The following MGAT5 variants were observed in gnomAD, a reference collection of about 807,000 sequenced individuals.
MGAT5 encodes the protein alpha-1,6-mannosylglycoprotein 6-beta-N-acetylglucosaminyltransferase A.
Under a neutral mutation model 94.3 loss-of-function variants are expected in MGAT5, and 30 were observed. The ratio of observed to expected loss-of-function variants is 0.32; its 90% confidence interval spans 0.24 to 0.43. The LOEUF (loss-of-function observed/expected upper bound fraction) is 0.43. MGAT5 is among the 20% of genes least tolerant of loss of function. MGAT5 has a pLI of 1.00. For missense variants in MGAT5, 691 were observed against 905.5 expected, an observed-to-expected ratio of 0.76 and a Z score of 3.04; for synonymous variants, 310 against 322.9, an observed-to-expected ratio of 0.96 and a Z score of 0.43.
chr2:134,163,596 G>A (rs527501200), intron 1 of MGAT5, among the ~76,000 whole-genome samples: 1 of 152,346 alleles, frequency 6.6e-6, no homozygotes, highest in Non-Finnish European at 1.5e-5. Flanking sequence ...GCTCAGAGGA[G>A]AGAGGTACAT....
In MGAT5 at chr2:134,130,554, C is replaced by T. The variant is rs112626182; in HGVS notation, c.-143+10263C>T. Among the ~76,000 whole-genome samples the T allele has an allele frequency of 1.4e-4, 21 of 150,938 alleles. 1 individual carries two copies. In the South Asian group the frequency reaches 3.4e-3, roughly 24 times the overall value. Reference sequence around the variant, plus strand: ...CCAATCAGCACTCTGTGTCTGGCTCCGGGGTTTGTGGATGCACCAATCAGC... The same window carrying T: ...CCAATCAGCACTCTGTGTCTGGCTCTGGGGTTTGTGGATGCACCAATCAGC... On this transcript the variant is annotated intron_variant, in intron 1 of 16. Coordinates refer to the MGAT5 transcript ENST00000409645.
intron 1 of MGAT5, among the ~76,000 whole-genome samples, chr2:134,173,679 C>T (rs971242900): frequency 6.6e-6 from 1 of 152,202 alleles, no homozygotes; most frequent in Non-Finnish European, 1.5e-5. Context: ...TCAGGAATAA[C>T]TACCGAAAGA....
intron 10 of MGAT5, among the ~76,000 whole-genome samples, chr2:134,380,477 G>T (rs763473693): frequency 6.6e-6 from 1 of 152,124 alleles, no homozygotes; most frequent in Non-Finnish European, 1.5e-5. Context: ...TAAGAAAAAG[G>T]GACATGGATT....
intron 10 of MGAT5, among the ~76,000 whole-genome samples, chr2:134,401,680 C>T (rs901083160): frequency 7.2e-5 from 11 of 152,180 alleles, no homozygotes; most frequent in African/African-American, 1.2e-4. Flanking sequence ...CAGCATCTTG[C>T]GGCCATACCA....
intron 1 of MGAT5, among the ~76,000 whole-genome samples, chr2:134,244,513 G>A (rs1682133925): frequency 6.6e-6 from 1 of 152,186 alleles, no homozygotes; most frequent in Admixed American, 6.5e-5. Context: ...GAGAAAATGA[G>A]ACTCATTTAT....
rs374914892 is a variant in MGAT5, at chr2:134,237,148, T to TGTGTGTGTGTGTGC, written c.-142-17113_-142-17112insTGTGTGTGTGTGCG. On this transcript the variant is annotated intron_variant, in intron 1 of 16. Coordinates refer to the MGAT5 transcript ENST00000409645. ...ATGTGTGTGTGTGTGTGTGTGTGTGTGCGCGTGTGTGTGAATTTTTACCCT... is the reference window on the plus strand; with the variant it reads ...ATGTGTGTGTGTGTGTGTGTGTGTGTGTGTGTGTGTGTGCGCGCGTGTGTGTGAATTTTTACCCT... Among the ~76,000 whole-genome samples the TGTGTGTGTGTGTGC allele has an allele frequency of 6.9e-3, 972 of 140,802 alleles. 11 individuals carry two copies. Among genetic ancestry groups the TGTGTGTGTGTGTGC allele is most frequent in the African/African-American group, 0.023 (864 of 38,126 alleles). 92.4% of individuals were successfully genotyped at this position (140,802 alleles called of 152,430 possible). A position where few individuals can be genotyped will look rare whatever the true frequency, so the allele number is the denominator to read the frequency against.
intron 1 of MGAT5, among the ~76,000 whole-genome samples, chr2:134,178,000 A>C (rs943791550): frequency 4.6e-5 from 7 of 152,134 alleles, no homozygotes; most frequent in Non-Finnish European, 7.4e-5. Flanking sequence ...GATTTAAAAA[A>C]CTTAAATAGC....
At chr2:134,401,623 A>G (rs2106291536) in intron 10 of MGAT5, among the ~76,000 whole-genome samples, 1 of 152,338 alleles carries the variant, frequency 6.6e-6, no homozygotes, top group South Asian at 2.1e-4. Flanking sequence ...AGGTAGGTGT[A>G]AGCTTCTGTA....
chr2:134,347,042 A>C (rs1688960972), intron 8 of MGAT5, among the ~76,000 whole-genome samples: 1 of 152,212 alleles, frequency 6.6e-6, no homozygotes, highest in African/African-American at 2.4e-5. Flanking sequence ...ATCAAAACAA[A>C]CATCTTTTTA....
At chr2:134,447,200 G>A (rs1685834649) in intron 15 of MGAT5, among the ~76,000 whole-genome samples, 1 of 152,116 alleles carries the variant, frequency 6.6e-6, no homozygotes, top group African/African-American at 2.4e-5. Flanking sequence ...GAAACCTCAG[G>A]CTCCCCATCC....
Position 134,413,028 on chromosome 2 carries a change from C to G in MGAT5, c.1677+13C>G. ...AACTCTGAGAGAGGTAAGCATCTAT[C>G]AAAATTATTCCATTTTGAATAATAT... On this transcript the variant is annotated intron_variant, in intron 12 of 15. Coordinates refer to ENST00000281923, the MANE Select transcript of MGAT5 (RefSeq NM_002410.5). 1 of 1,612,266 alleles carries G rather than the reference C, an allele frequency of 6.2e-7. No homozygotes were observed. The highest frequency in any genetic ancestry group is 8.5e-7 in the Non-Finnish European group (1 of 1,178,858).
chr2:134,280,568 A>G (rs1454685319), intron 2 of MGAT5, among the ~76,000 whole-genome samples: 1 of 152,192 alleles, frequency 6.6e-6, no homozygotes, highest in Non-Finnish European at 1.5e-5. Flanking sequence ...TACTGTGGAA[A>G]CTTTCCTTTA....
At chr2:134,207,109 G>C (rs1680051598) in intron 1 of MGAT5, among the ~76,000 whole-genome samples, 1 of 152,220 alleles carries the variant, frequency 6.6e-6, no homozygotes, top group Non-Finnish European at 1.5e-5. Flanking sequence ...CCAGCTTCTA[G>C]AGTCTGTCCA....
At chr2:134,269,966 C>G (rs947985673) in intron 1 of MGAT5, among the ~76,000 whole-genome samples, 1 of 152,198 alleles carries the variant, frequency 6.6e-6, no homozygotes, top group African/African-American at 2.4e-5. Context: ...CTGGGACATG[C>G]TAGAGTATGC....
At chr2:134,367,599 G>A (rs761676264) in intron 10 of MGAT5, among the ~76,000 whole-genome samples, 8 of 152,308 alleles carry the variant, frequency 5.3e-5, no homozygotes, top group Non-Finnish European at 1.0e-4. Context: ...ATTATGCCAC[G>A]TCCCAAGTAA....
chr2:134,323,196 T>A (rs1027803061), intron 4 of MGAT5, among the ~76,000 whole-genome samples: 1 of 152,182 alleles, frequency 6.6e-6, no homozygotes, highest in Admixed American at 6.6e-5. Flanking sequence ...AAGCCATCAA[T>A]ATTTTTCCTT....
At chr2:134,362,194 A>G in intron 9 of MGAT5, 81 bp from the exon 10 acceptor site, 2 of 1,505,850 alleles carry the variant, frequency 1.3e-6, no homozygotes, top group South Asian at 2.5e-5. Context: ...TATGGGTAAG[A>G]TGGCCTGTGT....
Position 134,449,274 on chromosome 2 carries a change from G to A in MGAT5, c.*427G>A, listed in dbSNP as rs1281475210. 3 of 216,996 alleles carry A rather than the reference G, an allele frequency of 1.4e-5. No individual in the cohort carries two copies. The highest frequency in any genetic ancestry group is 1.0e-4 in the Admixed American group (2 of 19,110). The allele number at this position is 216,996 out of a possible 1,614,324, so 13.4% of individuals were successfully genotyped here. A position where few individuals can be genotyped will look rare whatever the true frequency, so the allele number is the denominator to read the frequency against. Reference sequence around the variant, plus strand: ...GGGAGGGAGGGGACCGCGGGAGGGAGAGGAGGGATTGATCACAGGCTTCTT... The same window carrying A: ...GGGAGGGAGGGGACCGCGGGAGGGAAAGGAGGGATTGATCACAGGCTTCTT... On this transcript the variant is annotated 3_prime_UTR_variant, in exon 16 of 16. Transcript: ENST00000281923.
chr2:134,448,937 G>C lies in MGAT5; in HGVS notation c.*90G>C. ...GGGCCAGGGACAGAAGTCATGCAGG[G>C]ACTCTGGCAAGAGCCTGAACTTTTT... On this transcript the variant is annotated 3_prime_UTR_variant, in exon 16 of 16. Transcript: ENST00000281923. 7.3e-7 allele frequency: 1 copy of C among 1,365,498 alleles called. No homozygotes were observed. Among genetic ancestry groups the C allele is most frequent in the Non-Finnish European group, 1.0e-6 (1 of 990,984 alleles). The allele number at this position is 1,365,498 out of a possible 1,614,324, so 84.6% of individuals were successfully genotyped here.
Sources: allele counts gnomAD v4.1 joint callset (sites outside exome capture counted in the v4.1 genomes callset), GRCh38; gene constraint gnomAD v4.1.1; transcripts MANE v1.5; gene names NCBI Gene and HGNC (gene_info 2026-07-23, HGNC 2026-07-21).